Variants in GPR173 observed in about 807,000 individuals in gnomAD.
The protein encoded by GPR173 is G protein-coupled receptor 173, also known as probable G protein-coupled receptor 173.
A neutral mutation model predicts 13.9 loss-of-function variants in GPR173; 2 were observed. The observed-to-expected ratio is 0.14, with a 90% CI of 0.06 to 0.45. GPR173 has a LOEUF of 0.45. Ranked by LOEUF, GPR173 falls within the 20% of genes least tolerant of loss-of-function variation. The pLI is 0.98. For missense variants in GPR173, 202 were observed against 340.5 expected, an observed-to-expected ratio of 0.59 and a Z score of 3.20; for synonymous variants, 131 against 141.0, an observed-to-expected ratio of 0.93 and a Z score of 0.50.
chrX:53,049,068 T>TG lies in GPR173; in HGVS notation c.-508dup, dbSNP rs1401612448. The stretch of plus-strand genomic sequence containing the variant: ...CCAGCAGGCAGACGGAGGGGGGGGG[T>TG]GGGGGGTGGGGGGGGTAGGGGGACC... On this transcript the variant is annotated 5_prime_UTR_variant, in exon 1 of 2. Transcript: ENST00000332582. The TG allele has an allele frequency of 2.9e-4, 3 of 10,514 alleles. No individual in the cohort carries two copies. The highest frequency in any genetic ancestry group is 3.7e-4 in the African/African-American group (1 of 2,718). 0.9% of individuals were successfully genotyped at this position (10,514 alleles called of 1,213,427 possible). A position where few individuals can be genotyped will look rare whatever the true frequency, so the allele number is the denominator to read the frequency against.
At chrX:53,069,719 C>T (rs897292568) in intron 1 of GPR173, among the ~76,000 whole-genome samples, 9 of 111,786 alleles carry the variant, frequency 8.1e-5, no homozygotes, top group Non-Finnish European at 1.5e-4. Flanking sequence ...TGTTTGTTTG[C>T]GTATTGCTAA....
At chrX:53,057,627 G>A (rs1430082171) in intron 1 of GPR173, among the ~76,000 whole-genome samples, 2 of 105,932 alleles carry the variant, frequency 1.9e-5, no homozygotes, top group Non-Finnish European at 3.9e-5. Context: ...GGTGGCGCAT[G>A]CCTGTAATAC....
At chrX:53,074,050 A>G (rs782020972) in intron 1 of GPR173, among the ~76,000 whole-genome samples, 1 of 39,650 alleles carries the variant, frequency 2.5e-5, no homozygotes, top group Non-Finnish European at 3.6e-5. Flanking sequence ...AAATATAAAT[A>G]TATATTTATA....
At chrX:53,073,571 C>G (rs1226126262) in intron 1 of GPR173, among the ~76,000 whole-genome samples, 1 of 107,749 alleles carries the variant, frequency 9.3e-6, no homozygotes, top group Non-Finnish European at 1.9e-5. Flanking sequence ...TCCAGGGCAC[C>G]CTCTCTGACC....
intron 1 of GPR173, among the ~76,000 whole-genome samples, chrX:53,053,475 G>A (rs1931990153): frequency 8.8e-6 from 1 of 113,322 alleles, no homozygotes; most frequent in Non-Finnish European, 1.9e-5. Flanking sequence ...TATGTCATGT[G>A]AATGTATGTC....
intron 1 of GPR173, among the ~76,000 whole-genome samples, chrX:53,075,380 G>T (rs782387859): frequency 2.9e-5 from 3 of 103,485 alleles, no homozygotes; most frequent in African/African-American, 1.1e-4. Flanking sequence ...CCTCCTTTAT[G>T]TTTATTCTTA....
At chrX:53,070,115 T>G (rs1932238339) in intron 1 of GPR173, among the ~76,000 whole-genome samples, 1 of 111,901 alleles carries the variant, frequency 8.9e-6, no homozygotes, top group African/African-American at 3.3e-5. Context: ...TTTATCTATG[T>G]GACAATATTA....
At chrX:53,075,903 G>C (rs1932424530) in intron 1 of GPR173, among the ~76,000 whole-genome samples, 2 of 111,911 alleles carry the variant, frequency 1.8e-5, no homozygotes, top group Admixed American at 1.9e-4. Flanking sequence ...ACTTTTGGTT[G>C]AGCTGTGTGT....
intron 1 of GPR173, among the ~76,000 whole-genome samples, chrX:53,066,338 G>A (rs1416799951): frequency 9.0e-6 from 1 of 111,358 alleles, no homozygotes; most frequent in African/African-American, 3.3e-5. Flanking sequence ...AACTCTGTCA[G>A]TAGTCTTCAC....
intron 1 of GPR173, among the ~76,000 whole-genome samples, chrX:53,058,112 C>T (rs782400966): frequency 8.9e-6 from 1 of 112,019 alleles, no homozygotes; most frequent in East Asian, 2.8e-4. Flanking sequence ...GCATGTGTCC[C>T]GGGCGTGAAT....
At chrX:53,051,606 ATGTC>A (rs1315017370) in intron 1 of GPR173, among the ~76,000 whole-genome samples, 2 of 110,362 alleles carry the variant, frequency 1.8e-5, no homozygotes, top group Non-Finnish European at 3.8e-5. Context: ...ATGACTTTGC[ATGTC>A]TGTCTGGGTG....
chrX:53,062,018 G>GAAGAA (rs1164373491), intron 1 of GPR173, among the ~76,000 whole-genome samples: 1 of 109,810 alleles, frequency 9.1e-6, no homozygotes, highest in Non-Finnish European at 1.9e-5. Flanking sequence ...GAAGAGAAGA[G>GAAGAA]AAGAAAAGGG....
In GPR173 at chrX:53,049,379, C is replaced by G. The variant is rs972703215; in HGVS notation, c.-203C>G. On this transcript the variant is annotated 5_prime_UTR_variant, in exon 1 of 2. Transcript: ENST00000332582. ...ACAGAAGCAGGAGTGTCACTGGCCG[C>G]CAGATCACTGAGGGTCCCACAATGT... The G allele has an allele frequency of 1.8e-5, 2 of 111,900 alleles. No individual in the cohort carries two copies. The highest frequency in any genetic ancestry group is 9.4e-5 in the Admixed American group (1 of 10,588). The allele number at this position is 111,900 out of a possible 1,213,427, so 9.2% of individuals were successfully genotyped here.
intron 1 of GPR173, 141 bp downstream of exon 1, chrX:53,049,625 G>A (rs1401038938): frequency 2.7e-5 from 3 of 111,027 alleles, no homozygotes; most frequent in Non-Finnish European, 5.7e-5. Flanking sequence ...TCCATCAAGG[G>A]GCTCCTTGGT....
At chrX:53,054,126 T>C (rs1931998360) in intron 1 of GPR173, among the ~76,000 whole-genome samples, 1 of 102,603 alleles carries the variant, frequency 9.7e-6, no homozygotes, top group Non-Finnish European at 1.9e-5. Context: ...AAAGTGAAAG[T>C]ATCTTAATAG....
Position 53,077,322 on chromosome X carries a change from G to C in GPR173, c.701G>C (p.Gly234Ala). The C allele has an allele frequency of 8.4e-7, 1 of 1,194,189 alleles. No homozygotes were observed. Among genetic ancestry groups the C allele is most frequent in the Non-Finnish European group, 1.1e-6 (1 of 886,181 alleles). Residue 234 changes from glycine (G) to alanine (A), a missense_variant, in exon 2 of 2, where the codon GGT becomes GCT. This residue lies in a region of GPR173 where 28 missense variants were observed against 87.0 expected (regional missense o/e 0.32). Transcript: ENST00000332582. ...ATCAGCCAGAACTGGACATTCCATG[G>C]TCCCGGGGCCACCGGCCAGGCTGCT... ...PAISQNWTFH[G>A]PGATGQAAAN...
chrX:53,075,740 C>G (rs1265175646), intron 1 of GPR173, among the ~76,000 whole-genome samples: 2 of 110,502 alleles, frequency 1.8e-5, no homozygotes, highest in Non-Finnish European at 3.8e-5. Flanking sequence ...CTGCCTCACT[C>G]GTCTTCCTGC....
intron 1 of GPR173, among the ~76,000 whole-genome samples, chrX:53,054,105 G>A (rs1279849315): frequency 9.0e-6 from 1 of 110,716 alleles, no homozygotes; most frequent in Admixed American, 9.6e-5. Context: ...AGATGTGAGT[G>A]TGTATATATA....
intron 1 of GPR173, among the ~76,000 whole-genome samples, chrX:53,076,314 A>ATTTCTGTG (rs1354695299): frequency 9.0e-5 from 9 of 99,736 alleles, no homozygotes; most frequent in Non-Finnish European, 1.4e-4. Flanking sequence ...CATCCCCTCC[A>ATTTCTGTG]TTTCTGTGTC....
Sources: allele counts gnomAD v4.1 joint callset (sites outside exome capture counted in the v4.1 genomes callset), GRCh38; gene constraint gnomAD v4.1.1; regional missense constraint gnomAD v4.1.1; transcripts MANE v1.5; gene names NCBI Gene and HGNC (gene_info 2026-07-23, HGNC 2026-07-21).